KNTC1: variants seen among roughly 807,000 people sequenced by gnomAD.
The protein encoded by KNTC1 is kinetochore-associated protein 1.
Under a neutral mutation model 314.4 loss-of-function variants are expected in KNTC1, and 253 were observed. That is an observed-to-expected ratio of 0.80 (90% CI 0.73 to 0.89). KNTC1 has a LOEUF of 0.89. Ranked by LOEUF, KNTC1 falls within the 40% of genes least tolerant of loss-of-function variation. KNTC1 has a pLI of 0.00. For synonymous variants in KNTC1, 901 were observed against 901.4 expected (o/e 1.00, Z 0.01); for missense variants, 2,475 against 2,572.9 (o/e 0.96, Z 0.82).
chr12:122,575,038 A>G (rs1964924437), intron 27 of KNTC1, among the ~76,000 whole-genome samples: 1 of 152,230 alleles, frequency 6.6e-6, no homozygotes, highest in Non-Finnish European at 1.5e-5. Context: ...AGGCAGACAG[A>G]TCACCTGAGC....
intron 31 of KNTC1, among the ~76,000 whole-genome samples, chr12:122,578,187 AAG>A (rs1431325350): frequency 6.6e-6 from 1 of 152,216 alleles, no homozygotes; most frequent in Non-Finnish European, 1.5e-5. Context: ...AAATGGTTTT[AAG>A]AGAGTTTACT....
intron 60 of KNTC1, among the ~76,000 whole-genome samples, 178 bp from the exon 61 acceptor site, chr12:122,621,703 T>A (rs902916479): frequency 6.6e-6 from 1 of 152,246 alleles, no homozygotes. Flanking sequence ...TGTTCTTGTC[T>A]TTGACTTTTT....
intron 26 of KNTC1, 29 bp downstream of exon 26, chr12:122,573,314 T>A (rs767526018): frequency 6.3e-7 from 1 of 1,598,534 alleles, no homozygotes; most frequent in Admixed American, 1.7e-5. Context: ...CTAGTCTTAT[T>A]TCTTGGATCT....
intron 46 of KNTC1, 44 bp downstream of exon 46, chr12:122,602,784 AT>A (rs752412327): frequency 1.4e-5 from 23 of 1,609,882 alleles, no homozygotes; most frequent in Middle Eastern, 1.6e-4. Flanking sequence ...GGATAGCCAA[AT>A]TTTTTTTCTT....
chr12:122,590,624 G>T lies in KNTC1; in HGVS notation c.4017G>T (p.Leu1339Phe). ...TCCTGTAGGTATTTAATTGTCGCTT[G>T]GTAGATCTTGACCTGGCGTTGGGTT... is the stretch of plus-strand genomic sequence containing the variant. ...TLLHKVFNCR[L>F]VDLDLALGYC... is the part of the protein sequence containing the mutation. The change falls in exon 41 of 64, where the codon TTG becomes TTT. Residue 1339 changes from leucine (L) to phenylalanine (F), a missense_variant. Physicochemically the swap from Leu to Phe is conservative, Grantham distance 22 (BLOSUM62 0). Coordinates refer to ENST00000333479, the MANE Select transcript of KNTC1 (RefSeq NM_014708.6). The T allele has an allele frequency of 6.2e-7, 1 of 1,612,016 alleles. No individual in the cohort carries two copies.
intron 56 of KNTC1, 42 bp downstream of exon 56, chr12:122,615,128 C>CT: frequency 7.3e-7 from 1 of 1,364,900 alleles, no homozygotes; most frequent in Non-Finnish European, 1.0e-6. Flanking sequence ...TATTTGAAAG[C>CT]TTTTGCACAG....
chr12:122,614,243 TTAAAGTCCACCAGC>T (rs1426082577), intron 55 of KNTC1, among the ~76,000 whole-genome samples: 1 of 152,198 alleles, frequency 6.6e-6, no homozygotes, highest in Non-Finnish European at 1.5e-5. Context: ...CTCTTTTGCC[TTAAAGTCCACCAGC>T]TAAAGTCATC....
intron 18 of KNTC1, among the ~76,000 whole-genome samples, chr12:122,558,095 A>T (rs7955203): frequency 0.78 from 117,760 of 151,748 alleles, 46,099 homozygotes; most frequent in African/African-American, 0.87. Flanking sequence ...ACTAAAAATA[A>T]AAAAATTAGT....
intron 13 of KNTC1, among the ~76,000 whole-genome samples, chr12:122,550,590 A>G (rs977169950): frequency 6.6e-6 from 1 of 151,746 alleles, no homozygotes; most frequent in South Asian, 2.1e-4. Context: ...ACAGCCTCCA[A>G]CTCCTGGGCT....
At chr12:122,538,225 T>C (rs1034913017) in intron 3 of KNTC1, 114 bp from the exon 4 acceptor site, 8 of 625,224 alleles carry the variant, frequency 1.3e-5, no homozygotes, top group South Asian at 6.1e-5. Flanking sequence ...TTTTGCAGTA[T>C]TTAGAAGTAA....
intron 62 of KNTC1, among the ~76,000 whole-genome samples, chr12:122,623,246 A>G (rs1214762982): frequency 6.6e-6 from 1 of 152,222 alleles, no homozygotes; most frequent in Non-Finnish European, 1.5e-5. Context: ...AAACCTGGTT[A>G]TCTAATTTTC....
chr12:122,550,596 G>A (rs984161847), intron 13 of KNTC1, among the ~76,000 whole-genome samples: 1 of 152,046 alleles, frequency 6.6e-6, no homozygotes, highest in African/African-American at 2.4e-5. Context: ...TCCAACTCCT[G>A]GGCTCAAGTG....
intron 44 of KNTC1, among the ~76,000 whole-genome samples, chr12:122,598,813 CTT>C (rs879566345): frequency 1.4e-5 from 2 of 142,094 alleles, no homozygotes; most frequent in Admixed American, 7.1e-5. Context: ...GACATTTAAA[CTT>C]TTTTTTTTTT....
chr12:122,537,077 A>C (rs1033859509), intron 3 of KNTC1, among the ~76,000 whole-genome samples: 13 of 152,182 alleles, frequency 8.5e-5, no homozygotes, highest in African/African-American at 3.1e-4. Context: ...TTGAGTTCGT[A>C]AGCCAGTTAC....
intron 43 of KNTC1, among the ~76,000 whole-genome samples, chr12:122,594,839 A>G (rs1870802888): frequency 6.6e-6 from 1 of 152,248 alleles, no homozygotes; most frequent in Non-Finnish European, 1.5e-5. Flanking sequence ...GAGAATTTCT[A>G]ATTTCCTATT....
At chr12:122,542,397 ATATG>A (rs754659636) in intron 6 of KNTC1, among the ~76,000 whole-genome samples, 4 of 152,218 alleles carry the variant, frequency 2.6e-5, no homozygotes, top group Admixed American at 6.5e-5. Context: ...GAGACAAGAC[ATATG>A]CTAGCACAAT....
intron 42 of KNTC1, among the ~76,000 whole-genome samples, chr12:122,592,326 G>A (rs1240590556): frequency 6.6e-6 from 1 of 152,206 alleles, no homozygotes; most frequent in Non-Finnish European, 1.5e-5. Context: ...GGGTTCCTGT[G>A]CAGCCCGAGC....
chr12:122,568,896 TCAG>T (rs1298244214), intron 21 of KNTC1, among the ~76,000 whole-genome samples: 4 of 151,852 alleles, frequency 2.6e-5, no homozygotes, highest in African/African-American at 4.8e-5. Flanking sequence ...TAATATTAAA[TCAG>T]AAGAAGTACA....
At chr12:122,586,362 G>A (rs1255668090) in intron 37 of KNTC1, among the ~76,000 whole-genome samples, 3 of 152,170 alleles carry the variant, frequency 2.0e-5, no homozygotes, top group Non-Finnish European at 4.4e-5. Flanking sequence ...GATTACAGGC[G>A]TGAGCCACCG....
Sources: allele counts gnomAD v4.1 joint callset (sites outside exome capture counted in the v4.1 genomes callset), GRCh38; gene constraint gnomAD v4.1.1; transcripts MANE v1.5; gene names NCBI Gene and HGNC (gene_info 2026-07-23, HGNC 2026-07-21).